WWOX: variants seen among roughly 807,000 people sequenced by gnomAD.
WWOX encodes the protein WW domain containing oxidoreductase.
In WWOX, 69 loss-of-function variants were observed where a neutral mutation model predicts 46.2. The ratio of observed to expected loss-of-function variants is 1.49; its 90% CI spans 1.23 to 1.82. The LOEUF is 1.82. Among genes scored for constraint, WWOX ranks in the 40% most tolerant of loss-of-function variants. The probability of loss-of-function intolerance (pLI) is 0.00; values close to 1 mark genes in which losing one functional copy is unlikely to be tolerated. For synonymous variants in WWOX, 359 were observed against 202.6 expected (o/e 1.77, Z -6.56); for missense variants, 919 against 542.6 (o/e 1.69, Z -6.89).
intron 8 of WWOX, among the ~76,000 whole-genome samples, chr16:78,849,899 C>T (rs1033329674): frequency 2.0e-5 from 3 of 151,978 alleles, no homozygotes; most frequent in Non-Finnish European, 4.4e-5. Context: ...ATGCAGAAAC[C>T]CTGTCTCTAC....
At chr16:78,440,821 G>C (rs1334203386) in intron 8 of WWOX, among the ~76,000 whole-genome samples, 3 of 152,090 alleles carry the variant, frequency 2.0e-5, no homozygotes, top group African/African-American at 7.2e-5. Flanking sequence ...GTTTCAACAT[G>C]TTGGCCAGGC....
At chr16:79,173,023 A>C (rs939619638) in intron 8 of WWOX, among the ~76,000 whole-genome samples, 4 of 152,182 alleles carry the variant, frequency 2.6e-5, no homozygotes, top group Non-Finnish European at 5.9e-5. Context: ...CCCATCTCTA[A>C]ATAAGTAAAT....
At chr16:78,501,185 TTCTTTCTC>T (rs1242733537) in intron 8 of WWOX, among the ~76,000 whole-genome samples, 3 of 92,426 alleles carry the variant, frequency 3.2e-5, no homozygotes, top group African/African-American at 1.2e-4. Context: ...TTCTCTCTCT[TTCTTTCTC>T]TTTTTTTTTT....
At chr16:78,609,563 G>C (rs1381347890) in intron 8 of WWOX, among the ~76,000 whole-genome samples, 1 of 145,344 alleles carries the variant, frequency 6.9e-6, no homozygotes, top group Admixed American at 7.1e-5. Flanking sequence ...CTTTTTCCCA[G>C]ACTCCTCATA....
chr16:78,712,619 C>A (rs1051715646), intron 8 of WWOX, among the ~76,000 whole-genome samples: 1 of 151,950 alleles, frequency 6.6e-6, no homozygotes, highest in Non-Finnish European at 1.5e-5. Context: ...AGACATTTTT[C>A]TGAGACAAAT....
At position 79,076,450 on chromosome 16, in the gene WWOX, A is replaced by G. The variant is rs77743451; in HGVS notation, c.1057-135158A>G. 1.1e-3 allele frequency among the ~76,000 whole-genome samples: 175 copies of G among 152,314 alleles called. 2 individuals carry two copies. The highest frequency in any genetic ancestry group is 4.1e-3 in the African/African-American group (170 of 41,568). ...GAATCTATGGAAGACTCAAGGTAGT[A>G]TCTTTTTCACAGCATTCAAAAAAAT... On this transcript the variant is annotated intron_variant, in intron 8 of 8. Transcript: ENST00000566780.
At chr16:78,928,222 A>G (rs1291057680) in intron 8 of WWOX, among the ~76,000 whole-genome samples, 2 of 107,682 alleles carry the variant, frequency 1.9e-5, no homozygotes, top group African/African-American at 4.1e-5. Flanking sequence ...TTTTTTTTTG[A>G]GACGGAGTCT....
Position 78,343,507 on chromosome 16 carries a change from C to T in WWOX, c.517-43353C>T, listed in dbSNP as rs140455173. On this transcript the variant is annotated intron_variant, in intron 5 of 8. Transcript: ENST00000566780. ...TCGCCTCTCATCATGTAAGGTGATG[C>T]TCTGAGCTGGGTCTTAAAGCTTCTG... 9.2e-3 allele frequency among the ~76,000 whole-genome samples: 1,114 copies of T among 120,932 alleles called. 253 individuals carry two copies. The highest frequency in any genetic ancestry group is 0.03 in the African/African-American group (1,063 of 35,618). The allele number at this position is 120,932 out of a possible 152,430, so 79.3% of individuals were successfully genotyped here. A position where few individuals can be genotyped will look rare whatever the true frequency, so the allele number is the denominator to read the frequency against.
intron 8 of WWOX, among the ~76,000 whole-genome samples, chr16:78,690,289 G>A (rs1457670796): frequency 6.6e-6 from 1 of 152,168 alleles, no homozygotes; most frequent in African/African-American, 2.4e-5. Flanking sequence ...GGTGGCTCAT[G>A]CCTGTAACCC....
At chr16:78,778,089 T>C (rs1485124603) in intron 8 of WWOX, among the ~76,000 whole-genome samples, 4 of 151,236 alleles carry the variant, frequency 2.6e-5, no homozygotes, top group African/African-American at 9.7e-5. Flanking sequence ...ATCTTTACTG[T>C]AGCTATGGCT....
At chr16:79,037,917 A>T (rs2047899204) in intron 8 of WWOX, among the ~76,000 whole-genome samples, 1 of 152,052 alleles carries the variant, frequency 6.6e-6, no homozygotes, top group African/African-American at 2.4e-5. Context: ...CAGGCTTTCC[A>T]TCCGAGAAAA....
At position 79,211,899 on chromosome 16, in the gene WWOX, G is replaced by C. The variant is rs755934387; in HGVS notation, c.*103G>C. 9 of 1,560,028 alleles carry C rather than the reference G, an allele frequency of 5.8e-6. No individual in the cohort carries two copies. Among genetic ancestry groups the C allele is most frequent in the African/African-American group, 4.1e-5 (3 of 73,710 alleles). On this transcript the variant is annotated 3_prime_UTR_variant, in exon 9 of 9. Transcript: ENST00000566780. Reference sequence around the variant, plus strand: ...CCAAATGTCCCTCCAACACAGATCCGCAAGAGTAAAGGAAATAAGAGCAGT... The same window carrying C: ...CCAAATGTCCCTCCAACACAGATCCCCAAGAGTAAAGGAAATAAGAGCAGT...
At chr16:78,555,156 G>A (rs1170754835) in intron 8 of WWOX, among the ~76,000 whole-genome samples, 1 of 111,010 alleles carries the variant, frequency 9.0e-6, no homozygotes, top group African/African-American at 3.6e-5. Flanking sequence ...CATAGTTAAT[G>A]CTATGATTTT....
chr16:78,412,671 G>C (rs146313920), intron 6 of WWOX, among the ~76,000 whole-genome samples: 3 of 152,280 alleles, frequency 2.0e-5, no homozygotes, highest in African/African-American at 7.2e-5. Context: ...CTCTGCAACA[G>C]GGCAGTCTAG....
chr16:78,663,546 T>C (rs2047264671), intron 8 of WWOX, among the ~76,000 whole-genome samples: 1 of 152,206 alleles, frequency 6.6e-6, no homozygotes, highest in South Asian at 2.1e-4. Flanking sequence ...CTGATTTCTA[T>C]TATGAGTAAT....
At chr16:78,934,129 A>G (rs1169144320) in intron 8 of WWOX, among the ~76,000 whole-genome samples, 1 of 151,826 alleles carries the variant, frequency 6.6e-6, no homozygotes, top group Non-Finnish European at 1.5e-5. Context: ...AGGTCAGGAG[A>G]TGGAGACCAT....
At chr16:79,140,492 G>T (rs996792024) in intron 8 of WWOX, among the ~76,000 whole-genome samples, 9 of 152,198 alleles carry the variant, frequency 5.9e-5, no homozygotes, top group African/African-American at 2.2e-4. Flanking sequence ...TTGGAGTTCA[G>T]TAGATTCCTT....
rs199576434 is a variant in WWOX, at chr16:79,211,790, C to G, written c.1239C>G (p.Ser413=). 5.0e-5 allele frequency: 80 copies of G among 1,613,980 alleles called. No homozygotes were observed. The highest frequency in any genetic ancestry group is 6.0e-5 in the Non-Finnish European group (71 of 1,179,992). The change falls in exon 9 of 9, where the codon TCC becomes TCG. Residue 413 remains serine, a synonymous_variant. Transcript: ENST00000566780. The part of the protein sequence containing the change: ...RLIQERLGSQ[S]G ...TCCAAGAACGGCTTGGCAGCCAGTC[C>G]GGCTAAGTGGAGCTCAGAGCGGATG...
chr16:78,260,351 G>A (rs2038246486), intron 5 of WWOX, among the ~76,000 whole-genome samples: 2 of 151,528 alleles, frequency 1.3e-5, no homozygotes, highest in Non-Finnish European at 1.5e-5. Context: ...CTGAAAGATC[G>A]AAGCCAGATA....
Sources: allele counts gnomAD v4.1 joint callset (sites outside exome capture counted in the v4.1 genomes callset), GRCh38; gene constraint gnomAD v4.1.1; transcripts MANE v1.5; gene names NCBI Gene and HGNC (gene_info 2026-07-23, HGNC 2026-07-21).